ST6GALNAC5: variants seen among roughly 807,000 people sequenced by gnomAD.
ST6GALNAC5 encodes the protein ST6 N-acetylgalactosaminide alpha-2,6-sialyltransferase 5.
Under a neutral mutation model 33.6 loss-of-function variants are expected in ST6GALNAC5, and 27 were observed. The ratio of observed to expected loss-of-function variants is 0.80; its 90% CI spans 0.59 to 1.11. The LOEUF is 1.11. Among genes scored for constraint, ST6GALNAC5 ranks in the 50% least tolerant of loss-of-function variants. The pLI, the probability that ST6GALNAC5 is intolerant of heterozygous loss-of-function variation, is 0.00. For missense variants in ST6GALNAC5, 428 were observed against 454.0 expected (o/e 0.94, Z 0.52); for synonymous variants, 194 against 171.2 (o/e 1.13, Z -1.04).
At chr1:76,918,533 G>A (rs1399170536) in intron 2 of ST6GALNAC5, among the ~76,000 whole-genome samples, 3 of 147,140 alleles carry the variant, frequency 2.0e-5, no homozygotes, top group Non-Finnish European at 3.0e-5. Flanking sequence ...CAGGAGAATC[G>A]CTTGAACCCC....
At chr1:76,869,729 G>A (rs1046763121) in intron 2 of ST6GALNAC5, among the ~76,000 whole-genome samples, 5 of 152,126 alleles carry the variant, frequency 3.3e-5, no homozygotes, top group African/African-American at 1.2e-4. Context: ...TTAAAAAGTG[G>A]CATTCAAAAT....
intron 2 of ST6GALNAC5, among the ~76,000 whole-genome samples, chr1:76,983,076 A>G (rs527653583): frequency 1.3e-5 from 2 of 151,328 alleles, no homozygotes; most frequent in East Asian, 4.5e-4. Context: ...TGTAAAGACC[A>G]TCGATGCTAG....
intron 2 of ST6GALNAC5, among the ~76,000 whole-genome samples, chr1:76,902,190 T>C (rs1646824062): frequency 2.0e-5 from 3 of 152,032 alleles, no homozygotes; most frequent in Admixed American, 2.0e-4. Flanking sequence ...GGGCACAAGA[T>C]CAATACACAA....
chr1:76,896,289 G>A (rs1654134225), intron 2 of ST6GALNAC5, among the ~76,000 whole-genome samples: 1 of 152,192 alleles, frequency 6.6e-6, no homozygotes, highest in South Asian at 2.1e-4. Flanking sequence ...GGAATGTTGA[G>A]TAAAGCTAAT....
Position 77,017,492 on chromosome 1 carries a change from G to T in ST6GALNAC5, c.262-26712G>T, listed in dbSNP as rs539323468. ...GAGCATGGCCTCTCTGCACGTCAGG[G>T]CTGCTGCTCCGCTCTGCATGACTGT... On this transcript the variant is annotated intron_variant, in intron 2 of 4. Coordinates refer to ENST00000477717, the MANE Select transcript of ST6GALNAC5 (RefSeq NM_030965.3). Among the ~76,000 whole-genome samples the T allele has an allele frequency of 4.6e-5, 7 of 152,314 alleles. No homozygotes were observed. The South Asian group carries it at 1.5e-3, about 32-fold the overall frequency.
intron 4 of ST6GALNAC5, 131 bp downstream of exon 4, chr1:77,050,496 C>T: frequency 1.3e-6 from 1 of 753,228 alleles, no homozygotes; most frequent in East Asian, 2.6e-5. Flanking sequence ...GTCCCAAGTT[C>T]TCATTCTAGA....
chr1:76,994,900 T>C (rs1046178949), intron 2 of ST6GALNAC5, among the ~76,000 whole-genome samples: 34 of 152,304 alleles, frequency 2.2e-4, no homozygotes, highest in African/African-American at 7.5e-4. Flanking sequence ...TAGTTTCTTG[T>C]CTATCCGGGC....
At chr1:77,015,050 AACACACACACACAC>A (rs5775372) in intron 2 of ST6GALNAC5, among the ~76,000 whole-genome samples, 4 of 122,504 alleles carry the variant, frequency 3.3e-5, no homozygotes, top group East Asian at 2.4e-4. Flanking sequence ...CTCGCACACA[AACACACACACACAC>A]ACACACACAC....
At chr1:77,008,992 T>G (rs1650530108) in intron 2 of ST6GALNAC5, among the ~76,000 whole-genome samples, 1 of 152,214 alleles carries the variant, frequency 6.6e-6, no homozygotes, top group Non-Finnish European at 1.5e-5. Flanking sequence ...TTTATGAAAC[T>G]GATTTGCCAT....
At chr1:76,931,735 A>G (rs1403353132) in intron 2 of ST6GALNAC5, among the ~76,000 whole-genome samples, 1 of 152,138 alleles carries the variant, frequency 6.6e-6, no homozygotes, top group Non-Finnish European at 1.5e-5. Context: ...ACAGATATGA[A>G]CTGAAGACAA....
rs773074597 is a variant in ST6GALNAC5, at chr1:76,867,633, G to A, written c.-43G>A. 3.1e-6 allele frequency: 5 copies of A among 1,614,128 alleles called. No individual in the cohort carries two copies. Among genetic ancestry groups the A allele is most frequent in the Non-Finnish European group, 4.2e-6 (5 of 1,180,014 alleles). ...AAACCCTCCAGGAAAAAGTGGCCCC[G>A]GACGCGCGAGCCTGAGGATTCTGCA... is the stretch of plus-strand genomic sequence containing the variant. On this transcript the variant is annotated 5_prime_UTR_variant, in exon 1 of 5. Transcript: ENST00000477717.
chr1:76,939,754 G>A (rs79909725), intron 2 of ST6GALNAC5, among the ~76,000 whole-genome samples: 1 of 152,058 alleles, frequency 6.6e-6, no homozygotes, highest in Non-Finnish European at 1.5e-5. Context: ...CACCTGCCGT[G>A]TGCCAGGCAC....
chr1:76,868,556 G>C lies in ST6GALNAC5; in HGVS notation c.75G>C (p.Val25=). The C allele has an allele frequency of 1.2e-6, 2 of 1,613,426 alleles. No individual in the cohort carries two copies. The highest frequency in any genetic ancestry group is 8.5e-7 in the Non-Finnish European group (1 of 1,179,618). The change falls in exon 2 of 5, where the codon GTG becomes GTC. Residue 25 remains valine (V), a synonymous_variant. Coordinates refer to ENST00000477717, the MANE Select transcript of ST6GALNAC5 (RefSeq NM_030965.3). The surrounding 1 kb of genome is among the most constrained non-coding windows in gnomAD (Gnocchi z 4.3). Reference sequence around the variant, plus strand: ...CCATGTGCACCAGCTTGTTGCTAGTGTACAGCAGCCTCGGCGGCCAGAAGG... The same window carrying C: ...CCATGTGCACCAGCTTGTTGCTAGTCTACAGCAGCCTCGGCGGCCAGAAGG... ...LTTMCTSLLL[V]YSSLGGQKER... is the part of the protein sequence containing the mutation.
In ST6GALNAC5 at chr1:76,935,815, T is replaced by C. The variant is rs185399208; in HGVS notation, c.261+67073T>C. Among the ~76,000 whole-genome samples the C allele has an allele frequency of 2.0e-5, 3 of 152,164 alleles. No homozygotes were observed. In the East Asian group the frequency reaches 5.8e-4, roughly 30 times the overall value. ...AATTCAATTCAAGGGTTGCAATTAT[T>C]AAATGCCTGCAAAGTCCAGACACTT... On this transcript the variant is annotated intron_variant, in intron 2 of 4. Transcript: ENST00000477717.
intron 2 of ST6GALNAC5, among the ~76,000 whole-genome samples, chr1:76,880,093 A>G (rs946535480): frequency 7.9e-5 from 12 of 152,238 alleles, no homozygotes; most frequent in African/African-American, 2.9e-4. Context: ...ATTTTCTTTC[A>G]TCACTTTGTC....
intron 2 of ST6GALNAC5, among the ~76,000 whole-genome samples, chr1:76,924,666 T>C (rs1021583879): frequency 6.6e-6 from 1 of 152,144 alleles, no homozygotes; most frequent in Non-Finnish European, 1.5e-5. Context: ...ATATCCTTGG[T>C]GTACAATGAC....
intron 2 of ST6GALNAC5, among the ~76,000 whole-genome samples, chr1:76,928,286 T>C (rs1647104456): frequency 6.6e-6 from 1 of 152,162 alleles, no homozygotes; most frequent in African/African-American, 2.4e-5. Context: ...TGTATTTTCA[T>C]CCTTCATTGA....
chr1:77,062,525 T>G (rs546902218), intron 4 of ST6GALNAC5, among the ~76,000 whole-genome samples: 1 of 152,202 alleles, frequency 6.6e-6, no homozygotes, highest in African/African-American at 2.4e-5. Context: ...AGGAGAAGAC[T>G]TAGAAGGGGA....
At chr1:76,952,095 G>A (rs973818011) in intron 2 of ST6GALNAC5, among the ~76,000 whole-genome samples, 2 of 152,082 alleles carry the variant, frequency 1.3e-5, no homozygotes, top group African/African-American at 2.4e-5. Context: ...AGTTTAATAT[G>A]TAATATTTAC....
Sources: gnomAD v4.1 joint callset for allele counts (sites outside exome capture counted in the v4.1 genomes callset) on GRCh38, gnomAD v4.1.1 for gene constraint, Gnocchi (gnomAD v3.1) non-coding constraint, MANE v1.5 for transcripts, NCBI Gene and HGNC (gene_info 2026-07-23, HGNC 2026-07-21) for gene names.